The following GTPBP4 variants were observed in gnomAD, a reference collection of about 807,000 sequenced individuals.
GTPBP4 encodes the protein GTP-binding protein 4.
GTPBP4 carries 15 observed loss-of-function variants against 81.7 expected under a neutral mutation model. That is an observed-to-expected ratio of 0.18 (90% confidence interval 0.12 to 0.28). GTPBP4 has a LOEUF of 0.28. GTPBP4 is among the 10% of genes least tolerant of loss of function. GTPBP4 has a pLI of 1.00. For synonymous variants in GTPBP4, 272 were observed against 274.6 expected, an observed-to-expected ratio of 0.99 and a Z score of 0.09; for missense variants, 847 against 793.8, an observed-to-expected ratio of 1.07 and a Z score of -0.81.
At chr10:997,738 G>T (rs758093284) in intron 5 of GTPBP4, among the ~76,000 whole-genome samples, 27 of 152,224 alleles carry the variant, frequency 1.8e-4, no homozygotes, top group South Asian at 2.1e-4. Context: ...GGTGGCAGGT[G>T]ACACTCACCC....
At chr10:1,013,439 C>A (rs1035951010) in intron 14 of GTPBP4, among the ~76,000 whole-genome samples, 1 of 151,562 alleles carries the variant, frequency 6.6e-6, no homozygotes, top group African/African-American at 2.4e-5. Context: ...GAAACCCCGT[C>A]TCTACTAAAA....
At position 1,012,552 on chromosome 10, in the gene GTPBP4, C is replaced by T; in HGVS notation, c.1432C>T (p.Leu478=). ...ATCTGAGAGTGAAGACGAAGAGATGCTGGAAATCCGACAGCTGGCAAAGCA... is the reference window on the plus strand; with the variant it reads ...ATCTGAGAGTGAAGACGAAGAGATGTTGGAAATCCGACAGCTGGCAAAGCA... ...SVSESEDEEM[L]EIRQLAKQIR... is the part of the protein sequence containing the mutation. The change falls in exon 14 of 17, where the codon CTG becomes TTG. Residue 478 remains leucine, a synonymous_variant. Transcript: ENST00000360803. The T allele has an allele frequency of 6.2e-7, 1 of 1,613,308 alleles. No individual in the cohort carries two copies. The highest frequency in any genetic ancestry group is 1.1e-5 in the South Asian group (1 of 91,062).
chr10:1,014,425 G>A (rs1831939039), intron 15 of GTPBP4, 113 bp downstream of exon 15: 1 of 714,426 alleles, frequency 1.4e-6, no homozygotes, highest in African/African-American at 1.8e-5. Flanking sequence ...GGGAGGCCAA[G>A]GCGGGCAGAT....
intron 10 of GTPBP4, chr10:1,008,030 C>G (rs770272619): frequency 8.2e-6 from 4 of 489,762 alleles, no homozygotes; most frequent in Non-Finnish European, 4.1e-6. Context: ...CATTTTTGAA[C>G]TATTAACATA....
At chr10:1,000,557 C>A in intron 6 of GTPBP4, 120 bp from the exon 7 acceptor site, 15 of 446,470 alleles carry the variant, frequency 3.4e-5, no homozygotes, top group Middle Eastern at 4.8e-4. Flanking sequence ...TTTTTTTTAA[C>A]TACAATTCTG....
chr10:1,012,243 A>G (rs1831890937), intron 13 of GTPBP4, among the ~76,000 whole-genome samples: 1 of 152,174 alleles, frequency 6.6e-6, no homozygotes, highest in African/African-American at 2.4e-5. Flanking sequence ...CACAGGGGTT[A>G]CTGACTTGCT....
intron 1 of GTPBP4, among the ~76,000 whole-genome samples, chr10:991,290 A>G (rs144892472): frequency 6.6e-6 from 1 of 152,364 alleles, no homozygotes; most frequent in Non-Finnish European, 1.5e-5. Flanking sequence ...TGTATGAAAT[A>G]ATATTGAGTT....
In GTPBP4 at chr10:988,441, C is replaced by G; in HGVS notation, c.-39C>G. 1 of 1,594,120 alleles carries G rather than the reference C, an allele frequency of 6.3e-7. No individual in the cohort carries two copies. The highest frequency in any genetic ancestry group is 8.6e-7 in the Non-Finnish European group (1 of 1,162,620). Reference sequence around the variant, plus strand: ...CCACCTGCGCCCGACGGCGGAAGTTCCGGGAGTGCCAAGTACCCGCGTGCA... The same window carrying G: ...CCACCTGCGCCCGACGGCGGAAGTTGCGGGAGTGCCAAGTACCCGCGTGCA... On this transcript the variant is annotated 5_prime_UTR_variant, in exon 1 of 17. Transcript: ENST00000360803.
At position 1,000,880 on chromosome 10, in the gene GTPBP4, C is replaced by T; in HGVS notation, c.846+12C>T. On this transcript the variant is annotated intron_variant, in intron 7 of 16. Coordinates refer to ENST00000360803, the MANE Select transcript of GTPBP4 (RefSeq NM_012341.3). Reference sequence around the variant, plus strand: ...TCTTCATCAACAAGGTGTGTGTGGTCACTCATGTTTTGCTTCATATCCTGC... The same window carrying T: ...TCTTCATCAACAAGGTGTGTGTGGTTACTCATGTTTTGCTTCATATCCTGC... 2.5e-6 allele frequency: 4 copies of T among 1,611,076 alleles called. No homozygotes were observed. Among genetic ancestry groups the T allele is most frequent in the Non-Finnish European group, 3.4e-6 (4 of 1,177,616 alleles).
chr10:1,014,131 T>C, intron 14 of GTPBP4, 116 bp from the exon 15 acceptor site: 1 of 610,124 alleles, frequency 1.6e-6, no homozygotes, highest in South Asian at 1.9e-5. Context: ...TTACAACTTC[T>C]AAAATAAGTA....
chr10:1,001,253 T>G (rs1312441936), intron 8 of GTPBP4, among the ~76,000 whole-genome samples: 1 of 152,208 alleles, frequency 6.6e-6, no homozygotes, highest in African/African-American at 2.4e-5. Flanking sequence ...GCATCTGTAT[T>G]TGATGGGTTG....
chr10:1,003,246 C>G (rs1207376116), intron 8 of GTPBP4, among the ~76,000 whole-genome samples: 1 of 152,114 alleles, frequency 6.6e-6, no homozygotes. Flanking sequence ...CTGTTTGACT[C>G]TTTTTTACAA....
Position 992,548 on chromosome 10 carries a change from A to G in GTPBP4, c.108A>G (p.Lys36=), listed in dbSNP as rs755720057. The change falls in exon 2 of 17, where the codon AAA becomes AAG. Residue 36 remains lysine, a synonymous_variant. Transcript: ENST00000360803. ...TQRKTPTVIH[K]HYQIHRIRHF... ...GAAAGACTCCAACCGTTATTCATAAACATTACCAAATACATCGCATTAGAC... is the reference window on the plus strand; with the variant it reads ...GAAAGACTCCAACCGTTATTCATAAGCATTACCAAATACATCGCATTAGAC... 7 of 1,603,350 alleles carry G rather than the reference A, an allele frequency of 4.4e-6. No individual in the cohort carries two copies. Among genetic ancestry groups the G allele is most frequent in the Middle Eastern group, 1.6e-4 (1 of 6,068 alleles).
chr10:1,001,583 C>T (rs1276780028), intron 8 of GTPBP4, among the ~76,000 whole-genome samples: 1 of 152,108 alleles, frequency 6.6e-6, no homozygotes, highest in Non-Finnish European at 1.5e-5. Flanking sequence ...AAATTGTGGT[C>T]CTGGCCCAGC....
intron 14 of GTPBP4, among the ~76,000 whole-genome samples, chr10:1,013,410 C>A (rs1300239337): frequency 2.0e-5 from 3 of 151,800 alleles, no homozygotes; most frequent in Non-Finnish European, 4.4e-5. Context: ...GAGATTGAGA[C>A]CATCCTGGCT....
chr10:991,689 C>CTTTTTTTTTTTTTTT, intron 1 of GTPBP4, among the ~76,000 whole-genome samples: 1 of 74,818 alleles, frequency 1.3e-5, no homozygotes, highest in Non-Finnish European at 2.4e-5. Flanking sequence ...TAAAATTTAT[C>CTTTTTTTTTTTTTTT]TTTTTTTTTT....
intron 16 of GTPBP4, 129 bp downstream of exon 16, chr10:1,016,025 C>CGTT: frequency 1.2e-6 from 1 of 822,904 alleles, no homozygotes; most frequent in East Asian, 2.5e-5. Context: ...TGCATGCCCT[C>CGTT]GTTTTGTGGC....
intron 2 of GTPBP4, among the ~76,000 whole-genome samples, chr10:995,473 G>A (rs990000068): frequency 7.4e-6 from 1 of 135,450 alleles, no homozygotes; most frequent in African/African-American, 2.9e-5. Flanking sequence ...AAGAGAGGGA[G>A]GAGAGGAGAG....
intron 2 of GTPBP4, among the ~76,000 whole-genome samples, chr10:993,380 G>A (rs1831482217): frequency 1.3e-5 from 2 of 152,158 alleles, no homozygotes; most frequent in African/African-American, 2.4e-5. Flanking sequence ...AGCCTCCCGC[G>A]TAGCTGGGAT....
Sources: gnomAD v4.1 joint callset for allele counts (sites outside exome capture counted in the v4.1 genomes callset) on GRCh38, gnomAD v4.1.1 for gene constraint, MANE v1.5 for transcripts, NCBI Gene and HGNC (gene_info 2026-07-23, HGNC 2026-07-21) for gene names.